The following RGS20 variants were observed in gnomAD, a reference collection of about 807,000 sequenced individuals.
The protein encoded by RGS20 is regulator of G protein signaling 20.
A neutral mutation model predicts 33.6 loss-of-function variants in RGS20; 30 were observed. The observed-to-expected ratio is 0.89, with a 90% CI of 0.67 to 1.21. The LOEUF (loss-of-function observed/expected upper bound fraction) is 1.21, where lower values mean the gene tolerates loss of function less well. Among genes scored for constraint, RGS20 ranks in the 50% most tolerant of loss-of-function variants. The probability of loss-of-function intolerance (pLI) is 0.00; values close to 1 mark genes in which losing one functional copy is unlikely to be tolerated. For missense variants in RGS20, 472 were observed against 502.4 expected (o/e 0.94, Z 0.58); for synonymous variants, 208 against 197.9 (o/e 1.05, Z -0.43).
chr8:53,852,618 G>A (rs868271887), intron 1 of RGS20, among the ~76,000 whole-genome samples: 2 of 152,058 alleles, frequency 1.3e-5, no homozygotes, highest in Non-Finnish European at 2.9e-5. Context: ...TTTTCCTGCT[G>A]GATGTTGTGT....
chr8:53,879,205 G>GC (rs1156997254), intron 1 of RGS20: 2 of 1,476,568 alleles, frequency 1.4e-6, no homozygotes, highest in African/African-American at 2.8e-5. Context: ...CATCTAAGCG[G>GC]CCGGACACCA....
At chr8:53,867,325 G>A (rs772985660) in intron 1 of RGS20, among the ~76,000 whole-genome samples, 1 of 152,078 alleles carries the variant, frequency 6.6e-6, no homozygotes, top group Non-Finnish European at 1.5e-5. Context: ...CATTTTTCAT[G>A]CCTGCATTTG....
intron 1 of RGS20, among the ~76,000 whole-genome samples, chr8:53,864,658 G>C (rs1019318918): frequency 4.7e-4 from 71 of 151,950 alleles, no homozygotes; most frequent in South Asian, 2.1e-4. Flanking sequence ...AGTTAATATT[G>C]ATTGGCCAGT....
At chr8:53,903,202 CTA>C (rs1437636071) in intron 2 of RGS20, among the ~76,000 whole-genome samples, 1 of 152,160 alleles carries the variant, frequency 6.6e-6, no homozygotes, top group Admixed American at 6.5e-5. Flanking sequence ...ACATACATAA[CTA>C]TACATTTTTC....
At chr8:53,886,667 A>G (rs1031950970) in intron 2 of RGS20, among the ~76,000 whole-genome samples, 1 of 152,208 alleles carries the variant, frequency 6.6e-6, no homozygotes, top group Non-Finnish European at 1.5e-5. Flanking sequence ...CCTCCGTCCA[A>G]CAGTGAAGGA....
intron 2 of RGS20, among the ~76,000 whole-genome samples, chr8:53,884,695 G>A (rs1260812023): frequency 6.6e-6 from 1 of 152,162 alleles, no homozygotes; most frequent in Non-Finnish European, 1.5e-5. Flanking sequence ...CTGATTTCCT[G>A]TTTACTACGG....
Position 53,931,000 on chromosome 8 carries a change from C to T in RGS20, c.511-8576C>T, listed in dbSNP as rs550969973. Among the ~76,000 whole-genome samples, 12 of 152,226 alleles carry T rather than the reference C, an allele frequency of 7.9e-5. No homozygotes were observed. The South Asian group carries it at 2.3e-3, about 29-fold the overall frequency. Reference sequence around the variant, plus strand: ...ATCTCCTCCACAGGTGAGGTGAAGACGTGATCCCTGGAGTCACTTGAGCCT... The same window carrying T: ...ATCTCCTCCACAGGTGAGGTGAAGATGTGATCCCTGGAGTCACTTGAGCCT... On this transcript the variant is annotated intron_variant, in intron 2 of 5. Coordinates refer to ENST00000297313, the MANE Select transcript of RGS20 (RefSeq NM_170587.4).
chr8:53,855,057 A>G (rs556088196), intron 1 of RGS20, among the ~76,000 whole-genome samples: 1 of 152,300 alleles, frequency 6.6e-6, no homozygotes, highest in East Asian at 1.9e-4. Context: ...GTATGATTCT[A>G]TATAAGCCAC....
chr8:53,937,335 G>C (rs1814165249), intron 2 of RGS20, among the ~76,000 whole-genome samples: 1 of 151,336 alleles, frequency 6.6e-6, no homozygotes, highest in Non-Finnish European at 1.5e-5. Flanking sequence ...AATAAAAAAA[G>C]AAAACTGAAA....
chr8:53,951,302 T>A (rs1013584972), intron 4 of RGS20, among the ~76,000 whole-genome samples: 1 of 152,018 alleles, frequency 6.6e-6, no homozygotes, highest in African/African-American at 2.4e-5. Context: ...CTGAGCAACA[T>A]GACAAAATCT....
At chr8:53,917,184 G>A (rs772255686) in intron 2 of RGS20, among the ~76,000 whole-genome samples, 2 of 152,090 alleles carry the variant, frequency 1.3e-5, no homozygotes, top group Admixed American at 6.5e-5. Flanking sequence ...TTTCACTCTT[G>A]TTGCCCAGGC....
intron 2 of RGS20, among the ~76,000 whole-genome samples, chr8:53,915,497 C>T (rs1033476965): frequency 4.6e-5 from 7 of 152,178 alleles, no homozygotes; most frequent in African/African-American, 1.7e-4. Context: ...TTCTCCTCCC[C>T]AGTCCAACAG....
At chr8:53,872,430 C>G (rs1812098234) in intron 1 of RGS20, among the ~76,000 whole-genome samples, 1 of 152,116 alleles carries the variant, frequency 6.6e-6, no homozygotes, top group Non-Finnish European at 1.5e-5. Flanking sequence ...CTATATGGAC[C>G]CTTAATACCC....
intron 2 of RGS20, chr8:53,879,775 G>T (rs1271575611): frequency 3.9e-6 from 2 of 513,204 alleles, no homozygotes; most frequent in Admixed American, 4.0e-5. Flanking sequence ...GACATTGGCG[G>T]CTCCCGGGAC....
intron 2 of RGS20, among the ~76,000 whole-genome samples, chr8:53,901,619 A>T: frequency 6.6e-6 from 1 of 152,216 alleles, no homozygotes; most frequent in East Asian, 1.9e-4. Flanking sequence ...TCAGGACATT[A>T]TGCTGAAGGA....
At chr8:53,921,245 A>G (rs890534615) in intron 2 of RGS20, among the ~76,000 whole-genome samples, 2 of 152,172 alleles carry the variant, frequency 1.3e-5, no homozygotes, top group Non-Finnish European at 1.5e-5. Flanking sequence ...TTGCAACTGT[A>G]TTCATAAAAG....
intron 2 of RGS20, 99 bp from the exon 1 acceptor site, chr8:53,880,773 C>A: frequency 8.7e-7 from 1 of 1,144,198 alleles, no homozygotes; most frequent in Non-Finnish European, 1.2e-6. Context: ...CTCGGGGGTA[C>A]CCCTAGCACC....
intron 5 of RGS20, among the ~76,000 whole-genome samples, chr8:53,956,253 G>A (rs1014955970): frequency 7.9e-5 from 12 of 152,134 alleles, no homozygotes; most frequent in African/African-American, 2.7e-4. Flanking sequence ...GAAAGGGAGG[G>A]TGCTTACCAA....
intron 4 of RGS20, among the ~76,000 whole-genome samples, chr8:53,949,567 T>C (rs1814651894): frequency 1.3e-5 from 2 of 151,368 alleles, no homozygotes; most frequent in Admixed American, 6.6e-5. Flanking sequence ...AATACAAAAA[T>C]TAGCGGGGCG....
Sources: gnomAD v4.1 joint callset for allele counts (sites outside exome capture counted in the v4.1 genomes callset) on GRCh38, gnomAD v4.1.1 for gene constraint, MANE v1.5 for transcripts, NCBI Gene and HGNC (gene_info 2026-07-23, HGNC 2026-07-21) for gene names.